Variants in EXOC4 observed in about 807,000 individuals in gnomAD.
EXOC4 encodes SEC8-like 1.
EXOC4 carries 71 observed loss-of-function variants against 107.2 expected under a neutral mutation model. The ratio of observed to expected loss-of-function variants is 0.66; its 90% CI spans 0.55 to 0.81. The LOEUF (loss-of-function observed/expected upper bound fraction) is 0.81, where lower values mean the gene tolerates loss of function less well. Ranked by LOEUF, EXOC4 falls within the 30% of genes least tolerant of loss-of-function variation. EXOC4 has a pLI of 0.00. For missense variants in EXOC4, 1,108 were observed against 1,189.6 expected, an observed-to-expected ratio of 0.93 and a Z score of 1.01; for synonymous variants, 456 against 441.2, an observed-to-expected ratio of 1.03 and a Z score of -0.42.
chr7:134,003,168 G>T (rs763074492), intron 15 of EXOC4, among the ~76,000 whole-genome samples: 2 of 152,170 alleles, frequency 1.3e-5, no homozygotes, highest in Non-Finnish European at 2.9e-5. Context: ...AATATCAAAT[G>T]CTTTGTGCTA....
intron 10 of EXOC4, among the ~76,000 whole-genome samples, chr7:133,712,996 A>T (rs1794926185): frequency 6.6e-6 from 1 of 152,222 alleles, no homozygotes; most frequent in African/African-American, 2.4e-5. Flanking sequence ...AAGGGCTCTT[A>T]CTTTGGAGTG....
chr7:133,492,176 G>T (rs1357515455), intron 9 of EXOC4, among the ~76,000 whole-genome samples: 2 of 152,124 alleles, frequency 1.3e-5, no homozygotes, highest in African/African-American at 4.8e-5. Context: ...AGACAAAGAG[G>T]CAAGTTTTGT....
chr7:133,679,206 T>G lies in EXOC4; in HGVS notation c.1514+49065T>G, dbSNP rs371953284. Among the ~76,000 whole-genome samples the G allele has an allele frequency of 2.0e-5, 3 of 152,310 alleles. No individual in the cohort carries two copies. The East Asian group carries it at 5.8e-4, about 29-fold the overall frequency. ...CTTTCCCATAAGTTGTTTTGGGAAT[T>G]AAGCATCTTGCTGAAAGTGAATGTG... On this transcript the variant is annotated intron_variant, in intron 10 of 17. Coordinates refer to ENST00000253861, the MANE Select transcript of EXOC4 (RefSeq NM_021807.4).
chr7:133,386,044 T>TA (rs540589864), intron 7 of EXOC4, among the ~76,000 whole-genome samples: 121 of 152,296 alleles, frequency 7.9e-4, no homozygotes, highest in Middle Eastern at 6.8e-3. Context: ...TTTTTTTTTT[T>TA]ACATTGACAG....
chr7:134,007,920 G>C, intron 17 of EXOC4, 85 bp downstream of exon 17: 1 of 1,266,830 alleles, frequency 7.9e-7, no homozygotes, highest in Non-Finnish European at 1.1e-6. Context: ...TAGACTCTTG[G>C]TGCAGAAAAA....
chr7:133,645,460 G>A (rs942777646), intron 10 of EXOC4, among the ~76,000 whole-genome samples: 1 of 151,738 alleles, frequency 6.6e-6, no homozygotes. Context: ...GCCCTTGTGG[G>A]ACCTAGCAGG....
At chr7:133,797,876 G>A (rs779447140) in intron 10 of EXOC4, among the ~76,000 whole-genome samples, 14 of 152,152 alleles carry the variant, frequency 9.2e-5, no homozygotes, top group Non-Finnish European at 1.3e-4. Context: ...CCCTGCCCTC[G>A]TGGGGCCTGC....
intron 7 of EXOC4, among the ~76,000 whole-genome samples, chr7:133,380,770 C>T (rs1796601165): frequency 6.6e-6 from 1 of 152,256 alleles, no homozygotes; most frequent in South Asian, 2.1e-4. Flanking sequence ...TGTTGCTGTT[C>T]CACGTTAATG....
intron 10 of EXOC4, among the ~76,000 whole-genome samples, chr7:133,786,944 A>T (rs1796581681): frequency 6.6e-6 from 1 of 152,232 alleles, no homozygotes; most frequent in Admixed American, 6.5e-5. Context: ...CCAGTTTCTG[A>T]ATTCAAATCA....
At chr7:133,407,252 C>T (rs1797242485) in intron 7 of EXOC4, among the ~76,000 whole-genome samples, 1 of 152,152 alleles carries the variant, frequency 6.6e-6, no homozygotes, top group Admixed American at 6.5e-5. Context: ...AAGAATCCCC[C>T]TACTCTTAAT....
chr7:133,679,080 T>C (rs550649800), intron 10 of EXOC4, among the ~76,000 whole-genome samples: 1 of 152,330 alleles, frequency 6.6e-6, no homozygotes, highest in East Asian at 1.9e-4. Flanking sequence ...CCATCACATA[T>C]TTATAATTTA....
chr7:133,577,068 CT>C (rs907989014), intron 9 of EXOC4, among the ~76,000 whole-genome samples: 1 of 152,074 alleles, frequency 6.6e-6, no homozygotes, highest in African/African-American at 2.4e-5. Flanking sequence ...ACATAGCAGT[CT>C]TTCACAGTGT....
At chr7:133,797,738 C>T (rs551162104) in intron 10 of EXOC4, among the ~76,000 whole-genome samples, 1 of 152,228 alleles carries the variant, frequency 6.6e-6, no homozygotes, top group East Asian at 1.9e-4. Flanking sequence ...TCTCTAGTCC[C>T]TGGAGTTTAT....
intron 10 of EXOC4, among the ~76,000 whole-genome samples, chr7:133,647,859 G>A (rs1313411134): frequency 6.6e-6 from 1 of 152,068 alleles, no homozygotes; most frequent in Non-Finnish European, 1.5e-5. Context: ...TCTCCTGTTA[G>A]GTTAAAATAC....
At chr7:133,974,131 G>A (rs1051750217) in intron 14 of EXOC4, among the ~76,000 whole-genome samples, 9 of 152,140 alleles carry the variant, frequency 5.9e-5, no homozygotes, top group Non-Finnish European at 1.0e-4. Flanking sequence ...TGAGGGACAC[G>A]TTTAAACCAT....
In EXOC4 at chr7:133,630,542, T is replaced by C. The variant is rs185182828; in HGVS notation, c.1514+401T>C. 1.3e-3 allele frequency among the ~76,000 whole-genome samples: 195 copies of C among 152,264 alleles called. 1 individual carries two copies. Among genetic ancestry groups the C allele is most frequent in the African/African-American group, 4.5e-3 (187 of 41,546 alleles). ...TGCTTATTTGTTTATGTATTGCCCA[T>C]AGCTGCTTTTGTGCTACAAGTGCAG... On this transcript the variant is annotated intron_variant, in intron 10 of 17. Transcript: ENST00000253861.
At chr7:133,262,057 ATTTG>A (rs918828026) in intron 1 of EXOC4, among the ~76,000 whole-genome samples, 6 of 152,040 alleles carry the variant, frequency 3.9e-5, no homozygotes, top group African/African-American at 7.2e-5. Flanking sequence ...GGTTTTGTTT[ATTTG>A]TTTGTTCGTT....
At chr7:133,638,941 C>T (rs1007035473) in intron 10 of EXOC4, among the ~76,000 whole-genome samples, 1 of 152,080 alleles carries the variant, frequency 6.6e-6, no homozygotes, top group Non-Finnish European at 1.5e-5. Flanking sequence ...AAAGACTATT[C>T]AGAACAAAAT....
intron 9 of EXOC4, chr7:133,576,740 T>A: frequency 7.8e-7 from 1 of 1,289,778 alleles, no homozygotes; most frequent in Non-Finnish European, 1.0e-6. Context: ...AGGATATTGG[T>A]CTACAGGGTA....
Sources: gnomAD v4.1 joint callset for allele counts (sites outside exome capture counted in the v4.1 genomes callset) on GRCh38, gnomAD v4.1.1 for gene constraint, MANE v1.5 for transcripts, NCBI Gene and HGNC (gene_info 2026-07-23, HGNC 2026-07-21) for gene names.